Variants in PRKG1 observed in about 807,000 individuals in gnomAD.
The protein encoded by PRKG1 is cGMP-dependent protein kinase 1.
PRKG1 carries 35 observed loss-of-function variants against 88.1 expected under a neutral mutation model. The ratio of observed to expected loss-of-function variants is 0.40; its 90% CI spans 0.30 to 0.53. The LOEUF is 0.53. Among genes scored for constraint, PRKG1 ranks in the 20% least tolerant of loss-of-function variants. The pLI is 0.59. For synonymous variants in PRKG1, 303 were observed against 292.5 expected, an observed-to-expected ratio of 1.04 and a Z score of -0.37; for missense variants, 540 against 839.8, an observed-to-expected ratio of 0.64 and a Z score of 4.41.
intron 14 of PRKG1, among the ~76,000 whole-genome samples, chr10:52,284,323 A>G (rs1842064533): frequency 6.6e-6 from 1 of 152,108 alleles, no homozygotes; most frequent in Non-Finnish European, 1.5e-5. Flanking sequence ...TAATTTTTTT[A>G]CCATAAATAT....
intron 1 of PRKG1, among the ~76,000 whole-genome samples, chr10:50,993,684 AGCACC>A (rs1247841525): frequency 6.6e-6 from 1 of 152,240 alleles, no homozygotes; most frequent in African/African-American, 2.4e-5. Flanking sequence ...GAACAGTAAC[AGCACC>A]GCTTTGCAGC....
At chr10:51,390,530 A>G (rs1162750047) in intron 2 of PRKG1, among the ~76,000 whole-genome samples, 4 of 152,250 alleles carry the variant, frequency 2.6e-5, no homozygotes, top group Non-Finnish European at 5.9e-5. Context: ...TGAAGATAAC[A>G]CGAGTTCATG....
At chr10:51,226,558 T>C in intron 2 of PRKG1, among the ~76,000 whole-genome samples, 1 of 152,178 alleles carries the variant, frequency 6.6e-6, no homozygotes, top group East Asian at 1.9e-4. Flanking sequence ...TTAATGCCAA[T>C]TTGATGAAAA....
intron 5 of PRKG1, among the ~76,000 whole-genome samples, chr10:51,954,927 C>T (rs10762514): frequency 0.36 from 54,325 of 151,962 alleles, 10,225 homozygotes; most frequent in East Asian, 0.65. Context: ...CAACATTTTG[C>T]TATCTTTTAT....
intron 7 of PRKG1, among the ~76,000 whole-genome samples, chr10:52,085,897 C>T (rs1308999303): frequency 1.3e-5 from 2 of 152,184 alleles, no homozygotes; most frequent in Non-Finnish European, 2.9e-5. Context: ...AGAATTGTGA[C>T]ATGCATAGCA....
intron 3 of PRKG1, among the ~76,000 whole-genome samples, chr10:51,528,127 CA>C (rs1841927546): frequency 2.6e-5 from 4 of 152,154 alleles, no homozygotes; most frequent in Admixed American, 2.6e-4. Flanking sequence ...GAGAAGCTTT[CA>C]AAATCATCTA....
chr10:52,204,892 G>A (rs561814632), intron 9 of PRKG1, among the ~76,000 whole-genome samples: 8 of 152,252 alleles, frequency 5.3e-5, no homozygotes, highest in African/African-American at 1.7e-4. Context: ...GCAGGACAGA[G>A]CCATATTTCT....
chr10:51,096,194 AG>A (rs1433423420), intron 1 of PRKG1, among the ~76,000 whole-genome samples: 1 of 151,910 alleles, frequency 6.6e-6, no homozygotes, highest in Admixed American at 6.6e-5. Context: ...AAGAGGAGGG[AG>A]GTGAAAGAAG....
At chr10:52,281,272 A>C (rs1841997245) in intron 13 of PRKG1, among the ~76,000 whole-genome samples, 1 of 152,118 alleles carries the variant, frequency 6.6e-6, no homozygotes, top group African/African-American at 2.4e-5. Flanking sequence ...ATTATGGAAA[A>C]CCATAAATCA....
At chr10:51,087,362 A>G (rs760467065) in intron 1 of PRKG1, among the ~76,000 whole-genome samples, 1 of 152,212 alleles carries the variant, frequency 6.6e-6, no homozygotes, top group Non-Finnish European at 1.5e-5. Context: ...TGTATACCAT[A>G]TATGTGATCT....
chr10:51,051,175 C>G (rs1017907699), intron 1 of PRKG1, among the ~76,000 whole-genome samples: 1 of 151,996 alleles, frequency 6.6e-6, no homozygotes, highest in African/African-American at 2.4e-5. Flanking sequence ...CAGAATCCTG[C>G]TTGTCTATTT....
intron 3 of PRKG1, among the ~76,000 whole-genome samples, chr10:51,736,952 T>C (rs1328154023): frequency 6.6e-6 from 1 of 152,174 alleles, no homozygotes; most frequent in Non-Finnish European, 1.5e-5. Context: ...TCCATCTTAC[T>C]TTTGATACAT....
At chr10:51,856,132 T>A (rs558617676) in intron 4 of PRKG1, among the ~76,000 whole-genome samples, 1 of 152,090 alleles carries the variant, frequency 6.6e-6, no homozygotes, top group Non-Finnish European at 1.5e-5. Context: ...AATTATGGGG[T>A]CATTGCTTCT....
At chr10:51,070,675 C>G (rs1365119822), upstream of PRKG1, among the ~76,000 whole-genome samples, 1 of 152,096 alleles carries the variant, frequency 6.6e-6, no homozygotes, top group African/African-American at 2.4e-5. Flanking sequence ...TATAATAAAG[C>G]TACTTTATTG....
intron 1 of PRKG1, among the ~76,000 whole-genome samples, chr10:51,085,849 G>A (rs1171001382): frequency 6.6e-6 from 1 of 152,084 alleles, no homozygotes; most frequent in Admixed American, 6.6e-5. Flanking sequence ...TCTTGTTATA[G>A]ATCTGAAAAG....
At chr10:51,158,857 A>C (rs1054788574) in intron 2 of PRKG1, among the ~76,000 whole-genome samples, 2 of 152,066 alleles carry the variant, frequency 1.3e-5, no homozygotes, top group Admixed American at 1.3e-4. Context: ...AAGTTATTAC[A>C]CAAATGACTC....
chr10:52,198,229 G>A (rs909923803), intron 9 of PRKG1, among the ~76,000 whole-genome samples: 3 of 152,158 alleles, frequency 2.0e-5, no homozygotes, highest in South Asian at 2.1e-4. Context: ...TTTGAAAATT[G>A]CATCTCTTAA....
chr10:51,394,788 G>A (rs1173962837), intron 2 of PRKG1, among the ~76,000 whole-genome samples: 1 of 152,166 alleles, frequency 6.6e-6, no homozygotes, highest in Non-Finnish European at 1.5e-5. Context: ...TCAATTGCCT[G>A]AGTGAAATAA....
At chr10:51,724,507 G>C (rs1185632103) in intron 3 of PRKG1, among the ~76,000 whole-genome samples, 1 of 152,216 alleles carries the variant, frequency 6.6e-6, no homozygotes, top group East Asian at 1.9e-4. Context: ...TATTGGATCT[G>C]AAAATTCTAG....
Sources: allele counts gnomAD v4.1 joint callset (sites outside exome capture counted in the v4.1 genomes callset), GRCh38; gene constraint gnomAD v4.1.1; transcripts MANE v1.5; gene names NCBI Gene and HGNC (gene_info 2026-07-23, HGNC 2026-07-21).